The following PCDHGB2 variants were observed in gnomAD, a reference collection of about 807,000 sequenced individuals.
PCDHGB2 encodes the protein protocadherin gamma subfamily B, 2, also known as protocadherin gamma-B2.
In PCDHGB2, 55 loss-of-function variants were observed where a neutral mutation model predicts 59.3. That is an observed-to-expected ratio of 0.93 (90% CI 0.75 to 1.16). The LOEUF (loss-of-function observed/expected upper bound fraction) is 1.16, where lower values mean the gene tolerates loss of function less well. PCDHGB2 is among the 50% of genes most tolerant of loss of function. PCDHGB2 has a pLI of 0.00. For synonymous variants in PCDHGB2, 516 were observed against 512.0 expected (o/e 1.01, Z -0.11); for missense variants, 1,228 against 1,198.5 (o/e 1.02, Z -0.36).
chr5:141,494,491 T>C (rs2099754727), intron 1 of PCDHGB2, among the ~76,000 whole-genome samples: 1 of 152,150 alleles, frequency 6.6e-6, no homozygotes, highest in Admixed American at 6.5e-5. Context: ...AGAAGATGCC[T>C]TCAGTCCTTG....
intron 1 of PCDHGB2, chr5:141,375,779 G>A (rs749559180): frequency 1.9e-6 from 3 of 1,614,176 alleles, no homozygotes; most frequent in South Asian, 1.1e-5. Flanking sequence ...CCTGTACCCC[G>A]CCCTCCCCAC....
At chr5:141,475,840 A>T in intron 1 of PCDHGB2, 1 of 434,888 alleles carries the variant, frequency 2.3e-6, no homozygotes, top group Non-Finnish European at 4.1e-6. Flanking sequence ...TGTCCTGCTC[A>T]GAGAGCCCGG....
chr5:141,399,336 T>C, intron 1 of PCDHGB2: 2 of 1,613,976 alleles, frequency 1.2e-6, no homozygotes, highest in Non-Finnish European at 1.7e-6. Context: ...TGGTAACAGA[T>C]GGAACCCTAG....
intron 1 of PCDHGB2, chr5:141,389,520 C>T: frequency 6.2e-7 from 1 of 1,613,184 alleles, no homozygotes; most frequent in Non-Finnish European, 8.5e-7. Flanking sequence ...GAACGTGAGC[C>T]TGCGCGTGTT....
In PCDHGB2 at chr5:141,434,333, G is replaced by A. The variant is rs200059384; in HGVS notation, c.2422-60474G>A. On this transcript the variant is annotated intron_variant, in intron 1 of 3. Coordinates refer to ENST00000522605, the MANE Select transcript of PCDHGB2 (RefSeq NM_018923.3). The stretch of plus-strand genomic sequence containing the variant: ...TCTTCCTCTTGCTGCTTGTCTCTTT[G>A]TGTCGGGAACAGGCCCCCCAAAATC... Among the ~76,000 whole-genome samples, 23 of 152,220 alleles carry A rather than the reference G, an allele frequency of 1.5e-4. No individual in the cohort carries two copies. In the East Asian group the frequency reaches 4.3e-3, roughly 28 times the overall value.
At chr5:141,451,607 C>T (rs2154563647) in intron 1 of PCDHGB2, among the ~76,000 whole-genome samples, 1 of 152,288 alleles carries the variant, frequency 6.6e-6, no homozygotes, top group Non-Finnish European at 1.5e-5. Context: ...CAAGGCTAGG[C>T]ATGGTGGCTC....
chr5:141,489,314 G>T lies in PCDHGB2; in HGVS notation c.2422-5493G>T. ...TGCATGTTGTCCTTGTGCTGCTGGG[G>T]CTGGGTGTCTGGGCAGCTTCGTTAC... On this transcript the variant is annotated intron_variant, in intron 1 of 3. Transcript: ENST00000522605. This position sits in a 1 kb window ranked among gnomAD's most constrained non-coding sequence, Gnocchi z 4.5. 6.3e-7 allele frequency: 1 copy of T among 1,596,908 alleles called. No individual in the cohort carries two copies. The highest frequency in any genetic ancestry group is 8.5e-7 in the Non-Finnish European group (1 of 1,170,694).
At chr5:141,394,226 C>CT (rs771492563) in intron 1 of PCDHGB2, 132 of 1,613,834 alleles carry the variant, frequency 8.2e-5, no homozygotes, top group Non-Finnish European at 1.1e-4. Context: ...GAGCCTCCAT[C>CT]TTTTCCTTGA....
At chr5:141,415,285 G>T in intron 1 of PCDHGB2, 1 of 1,614,216 alleles carries the variant, frequency 6.2e-7, no homozygotes. Flanking sequence ...GGTGGCCGCG[G>T]TCTCCTGCGT....
intron 1 of PCDHGB2, chr5:141,414,677 A>AG: frequency 1.9e-6 from 3 of 1,613,794 alleles, no homozygotes; most frequent in South Asian, 2.2e-5. Flanking sequence ...GACACCATCC[A>AG]GGGGGTACCT....
chr5:141,361,529 ATCC>A lies in PCDHGB2; in HGVS notation c.1399_1401del (p.Pro467del), dbSNP rs768400418. On this transcript the variant is annotated inframe_deletion, in exon 1 of 4. Transcript: ENST00000522605. ...TACATGGTTCACGTGGCAGAGAACA[ATCC>A]TCCTGGCGCCTCTATCGCTCAAATC... The A allele has an allele frequency of 6.2e-7, 1 of 1,614,030 alleles. No individual in the cohort carries two copies. Among genetic ancestry groups the A allele is most frequent in the South Asian group, 1.1e-5 (1 of 91,082 alleles).
intron 1 of PCDHGB2, chr5:141,428,257 G>A: frequency 1.2e-6 from 1 of 865,864 alleles, no homozygotes; most frequent in Non-Finnish European, 1.9e-6. Context: ...AGACTTCAGT[G>A]ACAGTCCTGT....
intron 1 of PCDHGB2, chr5:141,479,399 T>C (rs2099494765): frequency 6.6e-6 from 1 of 152,576 alleles, no homozygotes; most frequent in African/African-American, 2.4e-5. Flanking sequence ...AGTTCTGGGC[T>C]GTGGTGCACT....
Position 141,485,792 on chromosome 5 carries a change from G to T in PCDHGB2, c.2422-9015G>T, listed in dbSNP as rs114766079. 6.2e-6 allele frequency: 10 copies of T among 1,614,118 alleles called. No individual in the cohort carries two copies. In the Admixed American group the frequency reaches 1.3e-4, roughly 22 times the overall value. ...GCCTTTGGATCGAGAGAAGCAATCG[G>T]ACTACCGCCTGGTGCTGACTGCTGT... On this transcript the variant is annotated intron_variant, in intron 1 of 3. Transcript: ENST00000522605. This position sits in a 1 kb window ranked among gnomAD's most constrained non-coding sequence, Gnocchi z 5.7.
chr5:141,379,388 A>G (rs1218956688), intron 1 of PCDHGB2: 1 of 152,228 alleles, frequency 6.6e-6, no homozygotes, highest in Non-Finnish European at 1.5e-5. Flanking sequence ...AACAATTTTA[A>G]ACAACTTGAA....
intron 1 of PCDHGB2, among the ~76,000 whole-genome samples, chr5:141,449,413 C>G (rs2098637966): frequency 6.6e-6 from 1 of 151,656 alleles, no homozygotes; most frequent in African/African-American, 2.4e-5. Flanking sequence ...TCAAGACCAG[C>G]CTGGCCAACA....
Position 141,489,341 on chromosome 5 carries a change from CAGT to C in PCDHGB2, c.2422-5465_2422-5463del. The stretch of plus-strand genomic sequence containing the variant: ...TGGGTGTCTGGGCAGCTTCGTTACT[CAGT>C]GGTGGAGGAGTCTGAGCCGGGGACG... On this transcript the variant is annotated intron_variant, in intron 1 of 3. Coordinates refer to ENST00000522605, the MANE Select transcript of PCDHGB2 (RefSeq NM_018923.3). This position sits in a 1 kb window ranked among gnomAD's most constrained non-coding sequence, Gnocchi z 4.5. The C allele has an allele frequency of 6.2e-7, 1 of 1,609,088 alleles. No homozygotes were observed. Among genetic ancestry groups the C allele is most frequent in the Non-Finnish European group, 8.5e-7 (1 of 1,176,770 alleles).
chr5:141,492,632 C>G (rs1359761285), intron 1 of PCDHGB2, among the ~76,000 whole-genome samples: 1 of 152,256 alleles, frequency 6.6e-6, no homozygotes, highest in Non-Finnish European at 1.5e-5. Flanking sequence ...CAGGACTCTA[C>G]GATCCTTGGG....
intron 1 of PCDHGB2, chr5:141,374,167 A>G (rs1320540619): frequency 1.9e-6 from 3 of 1,613,124 alleles, no homozygotes; most frequent in Non-Finnish European, 2.5e-6. Flanking sequence ...GGGCCGCGGC[A>G]GCGCAGATCC....
Sources: gnomAD v4.1 joint callset for allele counts (sites outside exome capture counted in the v4.1 genomes callset) on GRCh38, gnomAD v4.1.1 for gene constraint, Gnocchi (gnomAD v3.1) non-coding constraint, MANE v1.5 for transcripts, NCBI Gene and HGNC (gene_info 2026-07-23, HGNC 2026-07-21) for gene names.